ARID4B: variants seen among roughly 807,000 people sequenced by gnomAD.
ARID4B encodes the protein AT-rich interactive domain-containing protein 4B.
A neutral mutation model predicts 147.5 loss-of-function variants in ARID4B; 26 were observed. That is an observed-to-expected ratio of 0.18 (90% confidence interval 0.13 to 0.24). The LOEUF (loss-of-function observed/expected upper bound fraction) is 0.24, where lower values mean the gene tolerates loss of function less well. ARID4B is among the 10% of genes least tolerant of loss of function. The pLI, the probability that ARID4B is intolerant of heterozygous loss-of-function variation, is 1.00. For synonymous variants in ARID4B, 512 were observed against 507.9 expected (o/e 1.01, Z -0.11); for missense variants, 1,179 against 1,511.5 (o/e 0.78, Z 3.65).
At chr1:235,323,245 TGGCCA>T (rs1558315610) in intron 2 of ARID4B, among the ~76,000 whole-genome samples, 1 of 151,736 alleles carries the variant, frequency 6.6e-6, no homozygotes, top group East Asian at 1.9e-4. Context: ...TTCATCACTT[TGGCCA>T]GGCTGGTCTT....
intron 6 of ARID4B, among the ~76,000 whole-genome samples, chr1:235,247,541 T>A (rs1370820158): frequency 6.6e-6 from 1 of 152,180 alleles, no homozygotes. Flanking sequence ...AAAAAGGTAC[T>A]AGCCATAAAG....
At chr1:235,317,239 C>A (rs1674503149) in intron 2 of ARID4B, among the ~76,000 whole-genome samples, 1 of 152,194 alleles carries the variant, frequency 6.6e-6, no homozygotes, top group Non-Finnish European at 1.5e-5. Context: ...ACAACTCTTC[C>A]TATTAAATAG....
intron 18 of ARID4B, among the ~76,000 whole-genome samples, chr1:235,194,617 TC>T (rs1173130164): frequency 6.6e-6 from 1 of 151,714 alleles, no homozygotes; most frequent in Admixed American, 6.6e-5. Context: ...GGTCAGGAGG[TC>T]AAGACCAGCC....
chr1:235,277,501 T>A (rs1306841489), intron 2 of ARID4B, among the ~76,000 whole-genome samples: 1 of 148,356 alleles, frequency 6.7e-6, no homozygotes, highest in Non-Finnish European at 1.5e-5. Context: ...ATCCCGCCAC[T>A]GCACTCCAGC....
chr1:235,185,773 T>C (rs769099125), intron 19 of ARID4B, among the ~76,000 whole-genome samples: 3 of 152,230 alleles, frequency 2.0e-5, no homozygotes, highest in Non-Finnish European at 4.4e-5. Flanking sequence ...TCCGAATGTA[T>C]TGCTTCTTTG....
At chr1:235,229,205 A>G (rs1668043624) in intron 11 of ARID4B, 26 bp downstream of exon 11, 2 of 1,597,272 alleles carry the variant, frequency 1.3e-6, no homozygotes, top group Non-Finnish European at 8.5e-7. Flanking sequence ...TTATAATTTT[A>G]AAAGGTATCA....
In ARID4B at chr1:235,231,081, GTAC is replaced by G; in HGVS notation, c.742+29_742+31del. 5 of 1,431,272 alleles carry G rather than the reference GTAC, an allele frequency of 3.5e-6. No homozygotes were observed. In the South Asian group the frequency reaches 6.3e-5, roughly 18 times the overall value. 88.7% of individuals were successfully genotyped at this position (1,431,272 alleles called of 1,614,324 possible). ...CAAAAACACTTTAGCAGTTTTTACAGTACTTGTAATTTATTCCAAGATTATCCT... is the reference window on the plus strand; with the variant it reads ...CAAAAACACTTTAGCAGTTTTTACAGTTGTAATTTATTCCAAGATTATCCT... On this transcript the variant is annotated intron_variant, in intron 10 of 23. Transcript: ENST00000264183.
At chr1:235,230,926 A>G (rs966307310) in intron 10 of ARID4B, among the ~76,000 whole-genome samples, 187 bp downstream of exon 10, 3 of 151,986 alleles carry the variant, frequency 2.0e-5, no homozygotes, top group African/African-American at 7.3e-5. Flanking sequence ...TCCAAAAAAA[A>G]AAAAGAAAAG....
At chr1:235,246,302 C>T (rs1468122887) in intron 7 of ARID4B, 118 bp downstream of exon 7, 7 of 783,134 alleles carry the variant, frequency 8.9e-6, no homozygotes, top group Non-Finnish European at 1.2e-5. Flanking sequence ...CTATTAGATC[C>T]GAAATTACTA....
chr1:235,269,786 A>G (rs960331116), intron 2 of ARID4B, among the ~76,000 whole-genome samples: 3 of 152,186 alleles, frequency 2.0e-5, no homozygotes, highest in Non-Finnish European at 4.4e-5. Context: ...GAAGGAGATT[A>G]CATGAACTAT....
At chr1:235,175,701 T>TA in intron 21 of ARID4B, 1 of 269,778 alleles carries the variant, frequency 3.7e-6, no homozygotes, top group Non-Finnish European at 7.1e-6. Flanking sequence ...TCTATTATGT[T>TA]AATACATAAA....
At chr1:235,194,844 G>A (rs1665386242) in intron 18 of ARID4B, among the ~76,000 whole-genome samples, 2 of 151,964 alleles carry the variant, frequency 1.3e-5, no homozygotes, top group Admixed American at 6.6e-5. Context: ...AAAAAGAAAC[G>A]ATTGCAACGT....
At chr1:235,211,791 G>C (rs1571987716) in intron 17 of ARID4B, among the ~76,000 whole-genome samples, 1 of 152,150 alleles carries the variant, frequency 6.6e-6, no homozygotes, top group African/African-American at 2.4e-5. Flanking sequence ...ATCCTAGGCA[G>C]AAGTAGAACT....
intron 2 of ARID4B, among the ~76,000 whole-genome samples, chr1:235,313,808 A>C (rs1447260150): frequency 1.3e-5 from 2 of 152,238 alleles, no homozygotes; most frequent in African/African-American, 4.8e-5. Flanking sequence ...ACATGAGAGC[A>C]AAGAGTTCTT....
chr1:235,213,670 G>T lies in ARID4B; in HGVS notation c.1841+99C>A, dbSNP rs1666854036. The T allele has an allele frequency of 2.3e-6, 3 of 1,311,690 alleles. No individual in the cohort carries two copies. In the Admixed American group the frequency reaches 7.3e-5, roughly 32 times the overall value. 81.3% of individuals were successfully genotyped at this position (1,311,690 alleles called of 1,614,324 possible). ...TTATAAGGTACTATGACCTCAATTA[G>T]AATACTAATAAATCTGTAATCCATT... On this transcript the variant is annotated intron_variant, in intron 17 of 23. Coordinates refer to ENST00000264183, the MANE Select transcript of ARID4B (RefSeq NM_016374.6).
chr1:235,236,833 A>ATATATATATATATATATATATATATATAT (rs1668597409), intron 8 of ARID4B, among the ~76,000 whole-genome samples: 1 of 33,522 alleles, frequency 3.0e-5, no homozygotes, highest in African/African-American at 1.5e-4. Flanking sequence ...TTTTATAAAA[A>ATATATATATATATATATATATATATATAT]ATATATATAT....
At chr1:235,189,399 CAAAAAAAAAAAA>C (rs11299121) in intron 19 of ARID4B, among the ~76,000 whole-genome samples, 2 of 58,920 alleles carry the variant, frequency 3.4e-5, no homozygotes, top group African/African-American at 8.1e-5. Flanking sequence ...GACTCAGTCT[CAAAAAAAAAAAA>C]AAAAAAAAAA....
intron 16 of ARID4B, among the ~76,000 whole-genome samples, chr1:235,217,591 C>A (rs1667185489): frequency 6.6e-6 from 1 of 152,084 alleles, no homozygotes; most frequent in African/African-American, 2.4e-5. Flanking sequence ...ACACTCTTTA[C>A]AATGAAACAA....
rs202118784 is a variant in ARID4B, at chr1:235,304,353, TAAA to T, written c.6+22558_6+22560del. Among the ~76,000 whole-genome samples, 3 of 149,592 alleles carry T rather than the reference TAAA, an allele frequency of 2.0e-5. No homozygotes were observed. In the South Asian group the frequency reaches 6.4e-4, roughly 32 times the overall value. On this transcript the variant is annotated intron_variant, in intron 2 of 23. Coordinates refer to ENST00000264183, the MANE Select transcript of ARID4B (RefSeq NM_016374.6). ...ACAGAGGAAGACCCTGTCCCGAAAA[TAAA>T]AAAAAAGAAAAGAAATGACAACATT...
Sources: allele counts gnomAD v4.1 joint callset (sites outside exome capture counted in the v4.1 genomes callset), GRCh38; gene constraint gnomAD v4.1.1; transcripts MANE v1.5; gene names NCBI Gene and HGNC (gene_info 2026-07-23, HGNC 2026-07-21).